MYLK: variants seen among roughly 807,000 people sequenced by gnomAD.
MYLK encodes the protein myosin light chain kinase, smooth muscle.
In MYLK, 106 loss-of-function variants were observed where a neutral mutation model predicts 203.4. The observed-to-expected ratio is 0.52, with a 90% CI of 0.45 to 0.61. The LOEUF (loss-of-function observed/expected upper bound fraction) is 0.61. MYLK is among the 20% of genes least tolerant of loss of function. MYLK has a pLI of 0.00. For synonymous variants in MYLK, 867 were observed against 959.5 expected, an observed-to-expected ratio of 0.90 and a Z score of 1.78; for missense variants, 2,072 against 2,442.3, an observed-to-expected ratio of 0.85 and a Z score of 3.20.
chr3:123,874,916 A>G (rs1359535486), intron 2 of MYLK, among the ~76,000 whole-genome samples: 2 of 152,198 alleles, frequency 1.3e-5, no homozygotes, highest in African/African-American at 4.8e-5. Flanking sequence ...GGAAATTCAA[A>G]TTAAAAACAC....
intron 2 of MYLK, among the ~76,000 whole-genome samples, chr3:123,850,892 T>G (rs899462859): frequency 6.6e-6 from 1 of 152,356 alleles, no homozygotes; most frequent in East Asian, 1.9e-4. Flanking sequence ...AACATTTAAG[T>G]CTTTAATCCA....
intron 32 of MYLK, among the ~76,000 whole-genome samples, chr3:123,619,712 C>T (rs2057737555): frequency 6.6e-6 from 1 of 152,164 alleles, no homozygotes; most frequent in Admixed American, 6.5e-5. Flanking sequence ...CTGCCCAGTT[C>T]AAATGACACG....
At chr3:123,734,280 C>G in intron 9 of MYLK, 58 bp from the exon 10 acceptor site, 1 of 1,441,198 alleles carries the variant, frequency 6.9e-7, no homozygotes, top group Admixed American at 2.4e-5. Flanking sequence ...ATAGAATGAT[C>G]ATCTGGTTAC....
At position 123,642,366 on chromosome 3, in the gene MYLK, C is replaced by T. The variant is rs1191945374; in HGVS notation, c.4620-1862G>A. On this transcript the variant is annotated intron_variant, in intron 27 of 33. Coordinates refer to ENST00000360304, the MANE Select transcript of MYLK (RefSeq NM_053025.4). The surrounding 1 kb of genome is among the most constrained non-coding windows in gnomAD (Gnocchi z 4.2). ...CACAGAAGGTGCTCAACACTTATTA[C>T]TTATCGTTTGATAAGCTGTGGTGGG... Among the ~76,000 whole-genome samples, 1 of 152,176 alleles carries T rather than the reference C, an allele frequency of 6.6e-6. No individual in the cohort carries two copies. The highest frequency in any genetic ancestry group is 1.5e-5 in the Non-Finnish European group (1 of 68,036).
chr3:123,822,641 T>C (rs1231945560), intron 3 of MYLK, among the ~76,000 whole-genome samples: 5 of 152,196 alleles, frequency 3.3e-5, no homozygotes, highest in Non-Finnish European at 5.9e-5. Flanking sequence ...ACCACGTTTG[T>C]GGGGCTGACA....
At chr3:123,814,454 C>T (rs573074946) in intron 3 of MYLK, among the ~76,000 whole-genome samples, 1 of 152,258 alleles carries the variant, frequency 6.6e-6, no homozygotes, top group East Asian at 1.9e-4. Context: ...CATTCATAAA[C>T]AAATAAACAA....
At chr3:123,687,705 T>A (rs75656548) in intron 19 of MYLK, among the ~76,000 whole-genome samples, 1 of 151,518 alleles carries the variant, frequency 6.6e-6, no homozygotes, top group Admixed American at 6.6e-5. Flanking sequence ...AGGGTCTCCC[T>A]CTGTCCCACA....
At chr3:123,681,928 A>C in intron 20 of MYLK, 1 of 442,162 alleles carries the variant, frequency 2.3e-6, no homozygotes, top group Non-Finnish European at 4.2e-6. Flanking sequence ...CTTGGTGGGA[A>C]GTGAAAGGGC....
In MYLK at chr3:123,700,257, C is replaced by G. The variant is rs752986671; in HGVS notation, c.3211G>C (p.Val1071Leu). The G allele has an allele frequency of 6.2e-7, 1 of 1,612,492 alleles. No individual in the cohort carries two copies. The highest frequency in any genetic ancestry group is 8.5e-7 in the Non-Finnish European group (1 of 1,179,962). Residue 1071 changes from valine (V) to leucine (L), a missense_variant, in exon 18 of 34, where the codon GTT (valine) becomes CTT (leucine). Coordinates refer to ENST00000360304, the MANE Select transcript of MYLK (RefSeq NM_053025.4). ...SASKEELKKDVKNDVNCKRGH... is the reference protein window; with the variant it reads ...SASKEELKKDLKNDVNCKRGH... ...CTCTTGCAGTTCACATCATTCTTAA[C>G]GTCTTTCTTGAGTTCTTCTTTGCTA...
chr3:123,737,904 G>A (rs2062733853), intron 7 of MYLK, among the ~76,000 whole-genome samples: 1 of 152,052 alleles, frequency 6.6e-6, no homozygotes, highest in African/African-American at 2.4e-5. Context: ...CAGGTAAAAG[G>A]TGTCAATACC....
chr3:123,728,052 T>A (rs1264817128), intron 11 of MYLK, among the ~76,000 whole-genome samples: 1 of 152,150 alleles, frequency 6.6e-6, no homozygotes, highest in Non-Finnish European at 1.5e-5. Context: ...AGTGTCTTCA[T>A]CAAGAAGATA....
chr3:123,819,521 A>T (rs973044209), intron 3 of MYLK, among the ~76,000 whole-genome samples: 5 of 152,154 alleles, frequency 3.3e-5, no homozygotes, highest in African/African-American at 9.7e-5. Context: ...GTGGCAGGTT[A>T]ACTCCTTAAC....
At chr3:123,850,009 T>A (rs1445948492) in intron 2 of MYLK, among the ~76,000 whole-genome samples, 1 of 152,202 alleles carries the variant, frequency 6.6e-6, no homozygotes, top group African/African-American at 2.4e-5. Flanking sequence ...TTTTTTGTCC[T>A]TGCGATAGTT....
intron 5 of MYLK, 138 bp from the exon 6 acceptor site, chr3:123,740,139 G>A: frequency 2.4e-6 from 2 of 817,970 alleles, no homozygotes; most frequent in South Asian, 2.7e-5. Flanking sequence ...TGTCACTATG[G>A]ATACTATGGT....
chr3:123,753,574 A>C (rs979555941), intron 4 of MYLK, among the ~76,000 whole-genome samples: 1 of 151,854 alleles, frequency 6.6e-6, no homozygotes, highest in African/African-American at 2.4e-5. Flanking sequence ...AGTCAGAGAG[A>C]AGACATCTCT....
intron 24 of MYLK, among the ~76,000 whole-genome samples, chr3:123,655,285 CCT>C (rs1421098473): frequency 6.6e-6 from 1 of 152,122 alleles, no homozygotes; most frequent in African/African-American, 2.4e-5. Flanking sequence ...TTCTCCCTCC[CCT>C]GTTTCTTTGA....
In MYLK at chr3:123,614,237, A is replaced by G. The variant is rs1327634397; in HGVS notation, c.5613T>C (p.Asp1871=). The G allele has an allele frequency of 6.2e-7, 1 of 1,614,074 alleles. No homozygotes were observed. The highest frequency in any genetic ancestry group is 1.7e-5 in the Admixed American group (1 of 60,002). ...ACTTGGCATCGTCATCCCCGCAAAC[A>G]TCACTAATAATTAAAGAGCAGTTCC... The part of the protein sequence containing the change: ...EDGNCSLIIS[D]VCGDDDAKYT... Residue 1871 remains aspartate (D), a synonymous_variant, in exon 34 of 34, where the codon GAT becomes GAC. Coordinates refer to ENST00000360304, the MANE Select transcript of MYLK (RefSeq NM_053025.4).
chr3:123,638,968 G>A, intron 28 of MYLK: 1 of 985,450 alleles, frequency 1.0e-6, no homozygotes. Context: ...ACAGCCCTCA[G>A]ATGTGAAAGC....
At chr3:123,810,623 G>A (rs1377801949) in intron 3 of MYLK, among the ~76,000 whole-genome samples, 1 of 152,202 alleles carries the variant, frequency 6.6e-6, no homozygotes, top group Non-Finnish European at 1.5e-5. Flanking sequence ...CCCCCAACAG[G>A]CTCAGGACAG....
Sources: allele counts gnomAD v4.1 joint callset (sites outside exome capture counted in the v4.1 genomes callset), GRCh38; gene constraint gnomAD v4.1.1; non-coding constraint Gnocchi (gnomAD v3.1); transcripts MANE v1.5; gene names NCBI Gene and HGNC (gene_info 2026-07-23, HGNC 2026-07-21).